The following GRHL3 variants were observed in gnomAD, a reference collection of about 807,000 sequenced individuals.
GRHL3 encodes grainyhead like transcription factor 3, also known as grainyhead-like protein 3 homolog.
GRHL3 carries 20 observed loss-of-function variants against 70.3 expected under a neutral mutation model. The ratio of observed to expected loss-of-function variants is 0.28; its 90% CI spans 0.20 to 0.41. The LOEUF (loss-of-function observed/expected upper bound fraction) is 0.41. Among genes scored for constraint, GRHL3 ranks in the 10% least tolerant of loss-of-function variants. The pLI is 1.00. For missense variants in GRHL3, 637 were observed against 762.3 expected, an observed-to-expected ratio of 0.84 and a Z score of 1.94; for synonymous variants, 299 against 299.9, an observed-to-expected ratio of 1.00 and a Z score of 0.03.
At chr1:24,349,160 T>C (rs1262868857) in intron 14 of GRHL3, among the ~76,000 whole-genome samples, 2 of 152,210 alleles carry the variant, frequency 1.3e-5, no homozygotes, top group Non-Finnish European at 2.9e-5. Context: ...AGACTGGATG[T>C]GCCTGCCCCA....
intron 15 of GRHL3, among the ~76,000 whole-genome samples, chr1:24,353,731 T>C (rs1640605812): frequency 6.6e-6 from 1 of 152,142 alleles, no homozygotes; most frequent in East Asian, 1.9e-4. Context: ...TGCTCTTTCT[T>C]TGGCATAAAC....
downstream of GRHL3, among the ~76,000 whole-genome samples, chr1:24,359,269 G>A (rs959794635): frequency 1.3e-5 from 2 of 152,256 alleles, 1 homozygote; most frequent in South Asian, 4.1e-4. The surrounding 1 kb of genome is among the most constrained non-coding windows in gnomAD (Gnocchi z 5.3). Context: ...GGCAGGAGCT[G>A]CCTGTCTCTG....
At chr1:24,357,965 A>G, downstream of GRHL3, 1 of 345,510 alleles carries the variant, frequency 2.9e-6, no homozygotes, top group Non-Finnish European at 5.7e-6. Context: ...AGGTCTTTCC[A>G]AACAGGTGGT....
intron 7 of GRHL3, among the ~76,000 whole-genome samples, chr1:24,339,443 C>A (rs1269039877): frequency 6.6e-6 from 1 of 152,140 alleles, no homozygotes; most frequent in Non-Finnish European, 1.5e-5. Context: ...CCATGCCCAG[C>A]TAATTTTTTG....
At chr1:24,331,290 C>G (rs1639594405) in intron 1 of GRHL3, 136 bp from the exon 2 acceptor site, 2 of 760,326 alleles carry the variant, frequency 2.6e-6, no homozygotes, top group Non-Finnish European at 4.3e-6. Context: ...CCCCACACTG[C>G]CTAATGGTGG....
rs544083411 is a variant in GRHL3, at chr1:24,342,946, G to T, written c.1340G>T (p.Arg447Leu). The T allele has an allele frequency of 2.0e-5, 32 of 1,613,998 alleles. No individual in the cohort carries two copies. In the East Asian group the frequency reaches 7.1e-4, roughly 36 times the overall value. ...AGGGGCAATGAGACGACCTACCTTC[G>T]GCCAGAGACTGACCTGGAGACGCCA... ...GFRGNETTYLRPETDLETPPV... is the reference protein window; with the variant it reads ...GFRGNETTYLLPETDLETPPV... The change falls in exon 11 of 16, where the codon CGG becomes CTG. Residue 447 changes from arginine to leucine, a missense_variant. Physicochemically the swap from Arg to Leu is moderately radical, Grantham distance 102. Around this residue, in one of 2 missense-constraint regions of GRHL3, gnomAD observed 387 missense variants for 513.8 expected, o/e 0.75. Coordinates refer to ENST00000361548, the MANE Select transcript of GRHL3 (RefSeq NM_198173.3). The surrounding 1 kb of genome is among the most constrained non-coding windows in gnomAD (Gnocchi z 4.8).
At chr1:24,361,381 G>A (rs7537779) in intron 15 of GRHL3, among the ~76,000 whole-genome samples, 12,715 of 152,152 alleles carry the variant, frequency 0.084, 1,109 homozygotes, top group African/African-American at 0.22. Context: ...ATGGCAGGCC[G>A]TGTATATCTC....
At chr1:24,340,752 G>A (rs546379235) in intron 8 of GRHL3, among the ~76,000 whole-genome samples, 167 of 152,326 alleles carry the variant, frequency 1.1e-3, no homozygotes, top group Non-Finnish European at 1.9e-3. Flanking sequence ...AGGTGCAGGA[G>A]CTCAGAAAAC....
chr1:24,358,642 A>G (rs763240698), downstream of GRHL3: 2 of 1,585,334 alleles, frequency 1.3e-6, no homozygotes, highest in East Asian at 2.2e-5. Context: ...AGAGAGGCGG[A>G]GGCATTAAGA....
intron 1 of GRHL3, chr1:24,323,060 A>C (rs763302852): frequency 6.5e-7 from 1 of 1,542,640 alleles, no homozygotes; most frequent in South Asian, 1.2e-5. Context: ...CCAAACTGTT[A>C]AGAGTGGTTA....
In GRHL3 at chr1:24,342,034, C is replaced by A; in HGVS notation, c.1048-81C>A. On this transcript the variant is annotated intron_variant, in intron 8 of 15. Coordinates refer to ENST00000361548, the MANE Select transcript of GRHL3 (RefSeq NM_198173.3). This position sits in a 1 kb window ranked among gnomAD's most constrained non-coding sequence, Gnocchi z 4.8. ...GGGTGAGCAGCAGGCACACAGAAAG[C>A]TAGAAATACAGGATCACTGTGGGAC... The A allele has an allele frequency of 7.4e-7, 1 of 1,347,164 alleles. No homozygotes were observed. The highest frequency in any genetic ancestry group is 1.0e-6 in the Non-Finnish European group (1 of 993,062). 83.5% of individuals were successfully genotyped at this position (1,347,164 alleles called of 1,614,324 possible).
chr1:24,326,557 T>A (rs1222459720), intron 1 of GRHL3, among the ~76,000 whole-genome samples: 1 of 152,204 alleles, frequency 6.6e-6, no homozygotes, highest in Non-Finnish European at 1.5e-5. Context: ...CATGTAGGTC[T>A]TACTGCCACT....
chr1:24,337,486 T>C (rs954469839), intron 5 of GRHL3, 150 bp from the exon 6 acceptor site: 5 of 777,004 alleles, frequency 6.4e-6, no homozygotes, highest in Admixed American at 5.5e-5. Context: ...AACCCCCAAA[T>C]TGAGGAAACT....
intron 2 of GRHL3, among the ~76,000 whole-genome samples, chr1:24,333,959 A>C (rs577246152): frequency 6.6e-6 from 1 of 152,242 alleles, no homozygotes; most frequent in African/African-American, 2.4e-5. Flanking sequence ...CTCACTTGAC[A>C]TATGAAGAAA....
chr1:24,360,956 C>T lies in GRHL3; in HGVS notation c.1695-3229C>T, dbSNP rs528552913. ...TGCTTGCGGGGGCCTAAGTAGTCCACGATCTCATACTGACCAGGACCTGGG... is the reference window on the plus strand; with the variant it reads ...TGCTTGCGGGGGCCTAAGTAGTCCATGATCTCATACTGACCAGGACCTGGG... On this transcript the variant is annotated intron_variant, in intron 15 of 15. Transcript: ENST00000350501. The T allele has an allele frequency of 1.6e-5, 26 of 1,613,968 alleles. 1 individual carries two copies. The highest frequency in any genetic ancestry group is 6.6e-5 in the South Asian group (6 of 90,984).
chr1:24,338,731 T>C (rs1410132472), intron 7 of GRHL3, among the ~76,000 whole-genome samples: 1 of 152,240 alleles, frequency 6.6e-6, no homozygotes, highest in African/African-American at 2.4e-5. Flanking sequence ...CGGGACTGTT[T>C]AATGACTTGT....
intron 1 of GRHL3, among the ~76,000 whole-genome samples, chr1:24,330,657 G>C (rs1039666980): frequency 6.6e-6 from 1 of 152,202 alleles, no homozygotes; most frequent in African/African-American, 2.4e-5. Flanking sequence ...ATAATCCCCA[G>C]TGCTGAGTTT....
Position 24,346,670 on chromosome 1 carries a change from C to T in GRHL3, c.1543+29C>T, listed in dbSNP as rs555913251. The T allele has an allele frequency of 3.7e-5, 57 of 1,537,250 alleles. 1 individual carries two copies. The South Asian group carries it at 6.1e-4, about 16-fold the overall frequency. ...ACCTCCCGCCCTCCTCATTTACTCA[C>T]CAGGCCCACCCCAGCTCCCACCTCC... On this transcript the variant is annotated intron_variant, in intron 13 of 15. Transcript: ENST00000361548.
Position 24,354,397 on chromosome 1 carries a change from ACAT to A in GRHL3, c.1722_1724del (p.Ile575del). The stretch of plus-strand genomic sequence containing the variant: ...AGAATCTTAGTCAACATGGACAACA[ACAT>A]CATTCAGCATTACAGCAACCACGTC... On this transcript the variant is annotated inframe_deletion, in exon 16 of 16. Transcript: ENST00000361548. 6.2e-7 allele frequency: 1 copy of A among 1,613,584 alleles called. No individual in the cohort carries two copies. Among genetic ancestry groups the A allele is most frequent in the Non-Finnish European group, 8.5e-7 (1 of 1,179,516 alleles).
Sources: gnomAD v4.1 joint callset for allele counts (sites outside exome capture counted in the v4.1 genomes callset) on GRCh38, gnomAD v4.1.1 for gene constraint, gnomAD v4.1.1 regional missense constraint, Gnocchi (gnomAD v3.1) non-coding constraint, MANE v1.5 for transcripts, NCBI Gene and HGNC (gene_info 2026-07-23, HGNC 2026-07-21) for gene names.